SPAG9: variants seen among roughly 807,000 people sequenced by gnomAD.
SPAG9 encodes the protein C-Jun-amino-terminal kinase-interacting protein 4.
SPAG9 carries 35 observed loss-of-function variants against 166.5 expected under a neutral mutation model. The observed-to-expected ratio is 0.21, with a 90% confidence interval of 0.16 to 0.28. The LOEUF is 0.28. Among genes scored for constraint, SPAG9 ranks in the 10% least tolerant of loss-of-function variants. SPAG9 has a pLI of 1.00. For missense variants in SPAG9, 1,235 were observed against 1,603.3 expected (o/e 0.77, Z 3.92); for synonymous variants, 534 against 565.5 (o/e 0.94, Z 0.79).
intron 1 of SPAG9, among the ~76,000 whole-genome samples, chr17:51,081,409 C>T (rs1449804453): frequency 2.0e-5 from 3 of 151,966 alleles, no homozygotes; most frequent in Non-Finnish European, 4.4e-5. Flanking sequence ...TGAGATCACG[C>T]CACTAAACTC....
At chr17:51,098,830 A>G (rs2048716625) in intron 1 of SPAG9, among the ~76,000 whole-genome samples, 1 of 149,494 alleles carries the variant, frequency 6.7e-6, no homozygotes, top group African/African-American at 2.4e-5. Flanking sequence ...GGCCGGGCAC[A>G]GTGGCTCACG....
chr17:51,038,764 T>C (rs1042929231), intron 5 of SPAG9, among the ~76,000 whole-genome samples: 2 of 152,178 alleles, frequency 1.3e-5, no homozygotes, highest in Non-Finnish European at 2.9e-5. Context: ...CTAAAATGAG[T>C]ACCCATCCTT....
Position 50,998,537 on chromosome 17 carries a change from G to T in SPAG9, c.1745C>A (p.Thr582Lys). The change falls in exon 15 of 30, where the codon ACG becomes AAG. Residue 582 changes from threonine (T) to lysine (K), a missense_variant. Transcript: ENST00000262013. ...CTTGACGGACGGAGTAACATGAGAC[G>T]TGGGTGCATTGTACTTCAGATTAAC... ...PPVNLKYNAP[T>K]SHVTPSVKKR... 2.5e-6 allele frequency: 4 copies of T among 1,614,110 alleles called. No homozygotes were observed. The South Asian group carries it at 4.4e-5, about 18-fold the overall frequency.
At position 51,053,451 on chromosome 17, in the gene SPAG9, C is replaced by T. The variant is rs369036559; in HGVS notation, c.495+2961G>A. ...CCTGTAATCCCAGCACTTTGGTAGG[C>T]CAAGGCAGATGGATCACGAGGTCAG... On this transcript the variant is annotated intron_variant, in intron 3 of 29. Transcript: ENST00000262013. 5.0e-4 allele frequency among the ~76,000 whole-genome samples: 76 copies of T among 152,154 alleles called. 1 individual carries two copies. The South Asian group carries it at 0.014, about 28-fold the overall frequency.
At chr17:51,064,484 G>A (rs1598112920) in intron 2 of SPAG9, among the ~76,000 whole-genome samples, 1 of 152,132 alleles carries the variant, frequency 6.6e-6, no homozygotes, top group Non-Finnish European at 1.5e-5. Flanking sequence ...AAATGGGGGT[G>A]GAGGGTATCC....
At chr17:51,077,073 T>TCTAGCTATCTAG (rs1245917886) in intron 2 of SPAG9, among the ~76,000 whole-genome samples, 79 of 116,036 alleles carry the variant, frequency 6.8e-4, no homozygotes, top group East Asian at 3.1e-3. Flanking sequence ...TAGCTAGCTA[T>TCTAGCTATCTAG]CTAGCTATCT....
At chr17:50,975,119 C>T in intron 27 of SPAG9, 172 bp from the exon 28 acceptor site, 1 of 573,134 alleles carries the variant, frequency 1.7e-6, no homozygotes, top group Admixed American at 4.0e-5. Context: ...ATACAGCATG[C>T]TAGTTATTTT....
chr17:50,985,468 A>G (rs1974975671), intron 23 of SPAG9, among the ~76,000 whole-genome samples: 1 of 152,252 alleles, frequency 6.6e-6, no homozygotes, highest in Non-Finnish European at 1.5e-5. Flanking sequence ...GTGCTAAATA[A>G]ATCGCAGTAT....
chr17:51,035,499 G>A (rs1440885141), intron 5 of SPAG9, among the ~76,000 whole-genome samples: 2 of 152,200 alleles, frequency 1.3e-5, no homozygotes, highest in African/African-American at 4.8e-5. Context: ...ATTAAAGCTT[G>A]TAGAAACTAA....
At chr17:51,037,695 T>TATATATATATATATATATATA (rs2046669478) in intron 5 of SPAG9, among the ~76,000 whole-genome samples, 1 of 96,328 alleles carries the variant, frequency 1.0e-5, no homozygotes, top group Non-Finnish European at 2.4e-5. Context: ...AGTGTGTGTG[T>TATATATATATATATATATATA]GTGTGTGTGT....
At chr17:51,005,032 T>A (rs569476991) in intron 12 of SPAG9, among the ~76,000 whole-genome samples, 180 bp downstream of exon 12, 2 of 152,200 alleles carry the variant, frequency 1.3e-5, no homozygotes, top group African/African-American at 4.8e-5. Context: ...TGCATGGAGC[T>A]AGAAAGCTCA....
At chr17:51,110,602 T>C (rs1204307119) in intron 1 of SPAG9, among the ~76,000 whole-genome samples, 1 of 152,118 alleles carries the variant, frequency 6.6e-6, no homozygotes, top group East Asian at 1.9e-4. Flanking sequence ...GACGGAAGGA[T>C]GGCTTGAGCC....
chr17:51,083,543 TTTTATTTATTTATTTA>T (rs71149341), intron 1 of SPAG9, among the ~76,000 whole-genome samples: 10 of 141,182 alleles, frequency 7.1e-5, no homozygotes, highest in African/African-American at 2.4e-4. Context: ...AGCCTCTTTA[TTTTATTTATTTATTTA>T]TTTATTTATT....
intron 5 of SPAG9, among the ~76,000 whole-genome samples, chr17:51,034,351 C>T (rs2046501718): frequency 6.6e-6 from 1 of 152,126 alleles, no homozygotes; most frequent in African/African-American, 2.4e-5. Flanking sequence ...ATACACTTCT[C>T]CCAAAAAATG....
chr17:50,990,643 T>G lies in SPAG9; in HGVS notation c.2424A>C (p.Ala808=). 1 of 1,614,168 alleles carries G rather than the reference T, an allele frequency of 6.2e-7. No individual in the cohort carries two copies. The highest frequency in any genetic ancestry group is 8.5e-7 in the Non-Finnish European group (1 of 1,179,998). The change falls in exon 20 of 30, where the codon GCA becomes GCC. Residue 808 remains alanine, a synonymous_variant. Coordinates refer to ENST00000262013, the MANE Select transcript of SPAG9 (RefSeq NM_001130528.3). The part of the protein sequence containing the change: ...VPGARETDYP[A]GEDLSESGQV... ...GACCAGATTCTGAAAGATCTTCTCC[T>G]GCAGGGTAGTCTGTTTCTCGTGCAC... is the stretch of plus-strand genomic sequence containing the variant.
At chr17:51,062,325 T>C (rs1444704859) in intron 2 of SPAG9, among the ~76,000 whole-genome samples, 1 of 152,170 alleles carries the variant, frequency 6.6e-6, no homozygotes. Context: ...ACTCGTGGTG[T>C]TGTATACTCT....
intron 1 of SPAG9, among the ~76,000 whole-genome samples, chr17:51,119,417 C>T (rs978997396): frequency 3.3e-5 from 5 of 152,174 alleles, no homozygotes; most frequent in Non-Finnish European, 5.9e-5. Context: ...ACAGAAATAA[C>T]GCCAACGCAG....
chr17:51,099,711 G>GT (rs1278718795), intron 1 of SPAG9, among the ~76,000 whole-genome samples: 2 of 126,866 alleles, frequency 1.6e-5, no homozygotes, highest in African/African-American at 5.9e-5. Context: ...TGACACTGTG[G>GT]TTTTTGCTTC....
chr17:51,066,567 G>GAAA (rs71149340), intron 2 of SPAG9, among the ~76,000 whole-genome samples: 1 of 110,838 alleles, frequency 9.0e-6, no homozygotes, highest in Admixed American at 1.1e-4. Context: ...AAAAAAAAAA[G>GAAA]AAAAAAAAAA....
Sources: allele counts gnomAD v4.1 joint callset (sites outside exome capture counted in the v4.1 genomes callset), GRCh38; gene constraint gnomAD v4.1.1; transcripts MANE v1.5; gene names NCBI Gene and HGNC (gene_info 2026-07-23, HGNC 2026-07-21).